SELENOT: variants seen among roughly 807,000 people sequenced by gnomAD.
SELENOT encodes thioredoxin reductase-like selenoprotein T.
SELENOT carries 9 observed loss-of-function variants against 24.3 expected under a neutral mutation model. That is an observed-to-expected ratio of 0.37 (90% confidence interval 0.22 to 0.65). The LOEUF (loss-of-function observed/expected upper bound fraction) is 0.65. Ranked by LOEUF, SELENOT falls within the 30% of genes least tolerant of loss-of-function variation. SELENOT has a pLI of 0.60. For missense variants in SELENOT, 166 were observed against 247.6 expected (o/e 0.67, Z 2.21); for synonymous variants, 81 against 86.0 (o/e 0.94, Z 0.32).
At chr3:150,608,617 G>A (rs912675248) in intron 1 of SELENOT, among the ~76,000 whole-genome samples, 9 of 152,098 alleles carry the variant, frequency 5.9e-5, no homozygotes, top group South Asian at 2.1e-4. Flanking sequence ...TTAAAAAAAG[G>A]AAAAGTAGAG....
At chr3:150,624,127 T>C (rs962954204) in intron 3 of SELENOT, among the ~76,000 whole-genome samples, 1 of 152,136 alleles carries the variant, frequency 6.6e-6, no homozygotes, top group African/African-American at 2.4e-5. Flanking sequence ...CCCATGAAAA[T>C]AGACTTAACA....
At chr3:150,624,968 C>T in intron 4 of SELENOT, 69 bp downstream of exon 4, 2 of 748,224 alleles carry the variant, frequency 2.7e-6, no homozygotes, top group Non-Finnish European at 4.0e-6. Context: ...AAGCTTTTAT[C>T]TTTTATAATA....
chr3:150,611,388 A>C (rs1576530616), intron 1 of SELENOT: 1 of 1,230,638 alleles, frequency 8.1e-7, no homozygotes, highest in East Asian at 2.3e-5. Context: ...CTATCTCAAC[A>C]AGTTGTGCTT....
chr3:150,618,952 A>G (rs1443823657), intron 1 of SELENOT: 1 of 152,170 alleles, frequency 6.6e-6, no homozygotes, highest in East Asian at 1.9e-4. Flanking sequence ...TCTTTTAGAA[A>G]AGTACTGTTT....
intron 1 of SELENOT, among the ~76,000 whole-genome samples, chr3:150,604,313 C>T (rs1725909109): frequency 6.6e-6 from 1 of 152,032 alleles, no homozygotes; most frequent in South Asian, 2.1e-4. Flanking sequence ...AGAAGCAGGG[C>T]AATGATGCAT....
intron 1 of SELENOT, chr3:150,611,773 C>T (rs1726098540): frequency 8.2e-7 from 1 of 1,212,182 alleles, no homozygotes; most frequent in Non-Finnish European, 1.2e-6. Context: ...CTGAGACCGC[C>T]CCTGCGCCCG....
At chr3:150,609,750 G>T (rs541086987) in intron 1 of SELENOT, among the ~76,000 whole-genome samples, 1 of 152,268 alleles carries the variant, frequency 6.6e-6, no homozygotes, top group Non-Finnish European at 1.5e-5. Context: ...CAGCTATTTG[G>T]TTCTCCCTTT....
intron 1 of SELENOT, chr3:150,614,715 TATTA>T: frequency 6.6e-6 from 1 of 152,452 alleles, no homozygotes; most frequent in South Asian, 2.1e-4. Flanking sequence ...AAGAAATAGA[TATTA>T]TTTATTTAGA....
rs1726116053 is a variant in SELENOT at position 150,612,386 on chromosome 3, C to G, written c.137+8887C>G. ...GGGATTACAGGTGTGAGCCACCATG[C>G]CCGGCTATATATATATATTTTTAAT... On this transcript the variant is annotated intron_variant, in intron 1 of 5. Transcript: ENST00000471696. Among the ~76,000 whole-genome samples the G allele has an allele frequency of 2.0e-5, 3 of 152,132 alleles. No homozygotes were observed. In the South Asian group the frequency reaches 6.2e-4, roughly 31 times the overall value.
intron 1 of SELENOT, among the ~76,000 whole-genome samples, chr3:150,606,721 T>C (rs1488917558): frequency 6.6e-6 from 1 of 152,070 alleles, no homozygotes; most frequent in African/African-American, 2.4e-5. Flanking sequence ...GCCTCCTGAG[T>C]AGCTGGGACT....
At chr3:150,612,229 A>G (rs1356963245) in intron 1 of SELENOT, among the ~76,000 whole-genome samples, 1 of 151,866 alleles carries the variant, frequency 6.6e-6, no homozygotes, top group African/African-American at 2.4e-5. Context: ...AGTAGCTGGG[A>G]TTACAGGCGC....
rs1158262169 is a variant in SELENOT at position 150,627,827 on chromosome 3, A to G, written c.*198A>G. The G allele has an allele frequency of 6.6e-6, 1 of 152,450 alleles. No individual in the cohort carries two copies. Among genetic ancestry groups the G allele is most frequent in the Non-Finnish European group, 1.5e-5 (1 of 68,024 alleles). 9.4% of individuals were successfully genotyped at this position (152,450 alleles called of 1,614,324 possible). A position where few individuals can be genotyped will look rare whatever the true frequency, so the allele number is the denominator to read the frequency against. On this transcript the variant is annotated 3_prime_UTR_variant, in exon 6 of 6. Transcript: ENST00000471696. ...GTGCTGGCATATTTTGGAATTCTGC[A>G]CATTCATGGAGTGCAATAATACTGT...
At chr3:150,623,727 C>T (rs1305407041) in intron 3 of SELENOT, among the ~76,000 whole-genome samples, 4 of 151,954 alleles carry the variant, frequency 2.6e-5, no homozygotes, top group African/African-American at 9.7e-5. Context: ...GGTCTTATTG[C>T]CACATACATT....
chr3:150,626,003 G>A (rs1559899452), intron 4 of SELENOT, among the ~76,000 whole-genome samples: 1 of 151,880 alleles, frequency 6.6e-6, no homozygotes, highest in Non-Finnish European at 1.5e-5. Flanking sequence ...CTGCGTAGCT[G>A]GGACTACAGG....
chr3:150,604,026 GGGGA>G (rs1410427554), intron 1 of SELENOT, among the ~76,000 whole-genome samples: 1 of 152,232 alleles, frequency 6.6e-6, no homozygotes, highest in Non-Finnish European at 1.5e-5. Context: ...AACTTGCTGG[GGGGA>G]CTGTTGAGTT....
intron 1 of SELENOT, chr3:150,611,185 C>A: frequency 2.7e-6 from 2 of 736,838 alleles, no homozygotes; most frequent in Non-Finnish European, 4.5e-6. Context: ...AGAAAAAATA[C>A]ACAAAGAACA....
At chr3:150,607,411 A>G (rs1019924686) in intron 1 of SELENOT, among the ~76,000 whole-genome samples, 1 of 152,234 alleles carries the variant, frequency 6.6e-6, no homozygotes, top group Admixed American at 6.5e-5. Flanking sequence ...AGTTACAGAG[A>G]TCATGTTGGT....
intron 1 of SELENOT, chr3:150,611,609 C>G: frequency 2.0e-6 from 3 of 1,485,530 alleles, no homozygotes; most frequent in Non-Finnish European, 2.8e-6. Context: ...TGCCTGCGCT[C>G]TTATCCAGCT....
chr3:150,609,261 C>A (rs757327270), intron 1 of SELENOT, among the ~76,000 whole-genome samples: 8 of 152,198 alleles, frequency 5.3e-5, no homozygotes, highest in Non-Finnish European at 1.0e-4. Flanking sequence ...ACAGGTGGGA[C>A]TATAAACTTC....
Sources: gnomAD v4.1 joint callset for allele counts (sites outside exome capture counted in the v4.1 genomes callset) on GRCh38, gnomAD v4.1.1 for gene constraint, MANE v1.5 for transcripts, NCBI Gene and HGNC (gene_info 2026-07-23, HGNC 2026-07-21) for gene names.